Variants in CDC42BPA observed in about 807,000 individuals in gnomAD.
CDC42BPA encodes the protein CDC42 binding protein kinase alpha, also known as serine/threonine-protein kinase MRCK alpha.
Under a neutral mutation model 223.5 loss-of-function variants are expected in CDC42BPA, and 80 were observed. That is an observed-to-expected ratio of 0.36 (90% confidence interval 0.30 to 0.43). CDC42BPA has a LOEUF of 0.43. CDC42BPA is among the 20% of genes least tolerant of loss of function. CDC42BPA has a pLI of 1.00. For synonymous variants in CDC42BPA, 694 were observed against 718.6 expected (o/e 0.97, Z 0.55); for missense variants, 1,743 against 2,099.9 (o/e 0.83, Z 3.32).
At chr1:227,059,547 A>G (rs544911690) in intron 21 of CDC42BPA, 72 of 769,982 alleles carry the variant, frequency 9.4e-5, no homozygotes, top group Non-Finnish European at 1.4e-4. Flanking sequence ...TTGAATGTAC[A>G]TGTATTTTTA....
intron 1 of CDC42BPA, among the ~76,000 whole-genome samples, chr1:227,300,180 G>C (rs1691372367): frequency 1.3e-5 from 2 of 152,180 alleles, no homozygotes; most frequent in African/African-American, 4.8e-5. Context: ...TGTTGCTGTG[G>C]ATGTGGTGAA....
intron 11 of CDC42BPA, among the ~76,000 whole-genome samples, chr1:227,128,815 G>A (rs1656374443): frequency 6.6e-6 from 1 of 152,054 alleles, no homozygotes. Flanking sequence ...TTCCAAAAAA[G>A]CCATCCTTGT....
intron 4 of CDC42BPA, among the ~76,000 whole-genome samples, chr1:227,194,214 C>A (rs1042718959): frequency 1.3e-5 from 2 of 152,110 alleles, no homozygotes; most frequent in Admixed American, 1.3e-4. Context: ...TTATTATCAT[C>A]TTCACCTACA....
intron 1 of CDC42BPA, among the ~76,000 whole-genome samples, chr1:227,310,070 C>T (rs1693243511): frequency 6.6e-6 from 1 of 152,154 alleles, no homozygotes; most frequent in Non-Finnish European, 1.5e-5. Flanking sequence ...AACCCTGCTA[C>T]TCAGGAAGTT....
intron 32 of CDC42BPA, among the ~76,000 whole-genome samples, chr1:227,022,849 C>T (rs756929027): frequency 1.7e-4 from 26 of 152,280 alleles, no homozygotes; most frequent in African/African-American, 2.4e-4. Context: ...TCACCACTTT[C>T]GAAGTGCTAG....
intron 1 of CDC42BPA, among the ~76,000 whole-genome samples, chr1:227,315,314 T>C (rs1044005331): frequency 2.0e-5 from 3 of 152,030 alleles, no homozygotes; most frequent in Non-Finnish European, 2.9e-5. Context: ...TATATATAAA[T>C]TATTCTGATA....
At chr1:227,157,681 C>T (rs879865016) in intron 6 of CDC42BPA, among the ~76,000 whole-genome samples, 3 of 151,880 alleles carry the variant, frequency 2.0e-5, no homozygotes, top group Non-Finnish European at 4.4e-5. Flanking sequence ...TCACTCTCTT[C>T]TTCTATATGG....
chr1:227,139,764 G>T (rs1198874217), intron 9 of CDC42BPA, 22 bp from the exon 10 acceptor site: 3 of 1,467,212 alleles, frequency 2.0e-6, no homozygotes, highest in Middle Eastern at 1.8e-4. Flanking sequence ...AAAAAAAAAT[G>T]TAGGTTCATA....
At chr1:227,290,281 T>C (rs1358316690) in intron 1 of CDC42BPA, among the ~76,000 whole-genome samples, 7 of 152,192 alleles carry the variant, frequency 4.6e-5, no homozygotes, top group Admixed American at 3.9e-4. Flanking sequence ...GCTCAAAATG[T>C]CACTTCCATG....
chr1:227,159,216 G>A (rs1663385801), intron 6 of CDC42BPA, among the ~76,000 whole-genome samples: 1 of 152,150 alleles, frequency 6.6e-6, no homozygotes, highest in Non-Finnish European at 1.5e-5. Flanking sequence ...GCCGGGCACG[G>A]TGGCTCACGC....
At chr1:227,076,038 AC>A (rs768746503) in intron 17 of CDC42BPA, among the ~76,000 whole-genome samples, 1 of 152,154 alleles carries the variant, frequency 6.6e-6, no homozygotes, top group Non-Finnish European at 1.5e-5. Flanking sequence ...TGAACACCTT[AC>A]AACTGCAGTC....
chr1:227,049,074 G>C (rs1489603491), intron 22 of CDC42BPA, among the ~76,000 whole-genome samples: 1 of 151,806 alleles, frequency 6.6e-6, no homozygotes, highest in Non-Finnish European at 1.5e-5. Flanking sequence ...CTTTTAAATA[G>C]CTTGAAAAAG....
intron 1 of CDC42BPA, among the ~76,000 whole-genome samples, chr1:227,263,745 C>T (rs1031413237): frequency 9.9e-5 from 15 of 152,010 alleles, no homozygotes; most frequent in Non-Finnish European, 1.9e-4. Flanking sequence ...CCATGCCCGG[C>T]TAATTTTTGT....
Position 227,119,861 on chromosome 1 carries a change from G to T in CDC42BPA, c.1590C>A (p.Ile530=). 6.2e-7 allele frequency: 1 copy of T among 1,601,852 alleles called. No homozygotes were observed. The highest frequency in any genetic ancestry group is 1.7e-5 in the Admixed American group (1 of 58,848). ...TTTTGATTTGTTTTTCATAAGCCTT[G>T]ATTTGTCTAAAAGCATCATCTAGTT... ...RQELDDAFRQ[I]KAYEKQIKTL... is the part of the protein sequence containing the mutation. Residue 530 remains isoleucine (I), a synonymous_variant, in exon 12 of 37, where the codon ATC becomes ATA. Coordinates refer to ENST00000366766, the MANE Select transcript of CDC42BPA (RefSeq NM_001394014.1).
intron 11 of CDC42BPA, among the ~76,000 whole-genome samples, chr1:227,126,671 G>A (rs1689717490): frequency 6.6e-6 from 1 of 152,148 alleles, no homozygotes; most frequent in Non-Finnish European, 1.5e-5. Context: ...CAACAGGGAT[G>A]TATGGCTGGT....
chr1:227,170,468 A>G (rs1457748447), intron 5 of CDC42BPA, among the ~76,000 whole-genome samples: 23 of 145,018 alleles, frequency 1.6e-4, no homozygotes, highest in African/African-American at 5.8e-4. Flanking sequence ...AAAAAAAAAG[A>G]AAAAAAAAAT....
chr1:227,080,509 T>C (rs1160891184), intron 17 of CDC42BPA, among the ~76,000 whole-genome samples: 1 of 152,200 alleles, frequency 6.6e-6, no homozygotes, highest in Non-Finnish European at 1.5e-5. Context: ...CTTCTAAGTT[T>C]TTTTTGCAGG....
At chr1:227,085,047 C>A (rs138807806) in intron 16 of CDC42BPA, among the ~76,000 whole-genome samples, 5 of 152,266 alleles carry the variant, frequency 3.3e-5, no homozygotes, top group Non-Finnish European at 7.4e-5. Flanking sequence ...GCTTGCCAAG[C>A]TTTGGGACTG....
chr1:227,125,347 C>G (rs1689374061), intron 11 of CDC42BPA, among the ~76,000 whole-genome samples: 1 of 151,956 alleles, frequency 6.6e-6, no homozygotes, highest in Non-Finnish European at 1.5e-5. Flanking sequence ...TGTGGTTACT[C>G]ATCCCAAAAA....
Sources: gnomAD v4.1 joint callset for allele counts (sites outside exome capture counted in the v4.1 genomes callset) on GRCh38, gnomAD v4.1.1 for gene constraint, MANE v1.5 for transcripts, NCBI Gene and HGNC (gene_info 2026-07-23, HGNC 2026-07-21) for gene names.